MDGA2: variants seen among roughly 807,000 people sequenced by gnomAD.
MDGA2 encodes MAM domain-containing glycosylphosphatidylinositol anchor protein 2.
Under a neutral mutation model 117.8 loss-of-function variants are expected in MDGA2, and 40 were observed. The ratio of observed to expected loss-of-function variants is 0.34; its 90% CI spans 0.26 to 0.44. The LOEUF is 0.44. MDGA2 is among the 20% of genes least tolerant of loss of function. The probability of loss-of-function intolerance (pLI) is 1.00; values close to 1 mark genes in which losing one functional copy is unlikely to be tolerated. For missense variants in MDGA2, 1,123 were observed against 1,250.6 expected, an observed-to-expected ratio of 0.90 and a Z score of 1.54; for synonymous variants, 452 against 439.0, an observed-to-expected ratio of 1.03 and a Z score of -0.37.
intron 1 of MDGA2, among the ~76,000 whole-genome samples, chr14:47,469,019 A>G (rs1469389077): frequency 6.6e-6 from 1 of 152,158 alleles, no homozygotes; most frequent in Admixed American, 6.6e-5. Flanking sequence ...TATGCATGAT[A>G]TACTCCAAAG....
At chr14:47,426,659 A>C (rs189464671) in intron 1 of MDGA2, among the ~76,000 whole-genome samples, 5 of 148,340 alleles carry the variant, frequency 3.4e-5, no homozygotes, top group East Asian at 2.0e-4. Flanking sequence ...GTGATATGTA[A>C]ATATATCACA....
chr14:47,647,243 C>T (rs1316242571), intron 1 of MDGA2, among the ~76,000 whole-genome samples: 3 of 152,084 alleles, frequency 2.0e-5, no homozygotes, highest in Non-Finnish European at 4.4e-5. Context: ...GCTCACCTTA[C>T]AAAATCAACT....
chr14:47,646,377 T>C (rs1474584257), intron 1 of MDGA2, among the ~76,000 whole-genome samples: 3 of 151,952 alleles, frequency 2.0e-5, no homozygotes, highest in Admixed American at 2.0e-4. Context: ...ATAATACATA[T>C]AGATGCATAT....
At chr14:47,255,974 C>T (rs1019590455) in intron 2 of MDGA2, among the ~76,000 whole-genome samples, 7 of 152,144 alleles carry the variant, frequency 4.6e-5, no homozygotes, top group Non-Finnish European at 1.0e-4. Context: ...TTTCCTGCAT[C>T]TTCCCTTCCC....
At chr14:47,650,772 CAA>C (rs1222668856) in intron 1 of MDGA2, among the ~76,000 whole-genome samples, 1 of 151,992 alleles carries the variant, frequency 6.6e-6, no homozygotes, top group Non-Finnish European at 1.5e-5. Context: ...TACAAATGCA[CAA>C]AAAAACAATG....
At chr14:47,104,393 T>C (rs1464232381) in intron 5 of MDGA2, among the ~76,000 whole-genome samples, 1 of 149,804 alleles carries the variant, frequency 6.7e-6, no homozygotes, top group Admixed American at 6.6e-5. Flanking sequence ...GTGAAAGTCC[T>C]TTTCCTGGCT....
intron 9 of MDGA2, among the ~76,000 whole-genome samples, chr14:46,938,974 G>A (rs1423034287): frequency 6.6e-6 from 1 of 152,184 alleles, no homozygotes; most frequent in Non-Finnish European, 1.5e-5. Flanking sequence ...ACATGGATAA[G>A]CCTGGAGGGC....
chr14:47,271,237 CCTT>C (rs1238106230), intron 2 of MDGA2, among the ~76,000 whole-genome samples: 3 of 152,230 alleles, frequency 2.0e-5, no homozygotes, highest in African/African-American at 7.2e-5. Flanking sequence ...CCTTCGAATT[CCTT>C]CTTTTTATTT....
Position 47,448,557 on chromosome 14 carries a change from C to A in MDGA2, c.281-147007G>T, listed in dbSNP as rs560245387. On this transcript the variant is annotated intron_variant, in intron 1 of 16. Coordinates refer to ENST00000399232, the MANE Select transcript of MDGA2 (RefSeq NM_001113498.3). Reference sequence around the variant, plus strand: ...TAATGAGGTTTGGAGAACTTCCAGACAGGTGATGCTTCCATATGTTGAAAG... The same window carrying A: ...TAATGAGGTTTGGAGAACTTCCAGAAAGGTGATGCTTCCATATGTTGAAAG... Among the ~76,000 whole-genome samples, 3 of 152,270 alleles carry A rather than the reference C, an allele frequency of 2.0e-5. No homozygotes were observed. In the East Asian group the frequency reaches 5.8e-4, roughly 29 times the overall value.
chr14:47,114,984 G>T (rs763120235), intron 5 of MDGA2, among the ~76,000 whole-genome samples: 1 of 146,900 alleles, frequency 6.8e-6, no homozygotes, highest in Admixed American at 6.8e-5. Flanking sequence ...CCTATCATCC[G>T]AGCCAACCTA....
Position 46,885,757 on chromosome 14 carries a change from C to T in MDGA2, c.2239-3536G>A, listed in dbSNP as rs1423585817. Among the ~76,000 whole-genome samples the T allele has an allele frequency of 2.6e-5, 4 of 152,220 alleles. No individual in the cohort carries two copies. In the East Asian group the frequency reaches 7.7e-4, roughly 29 times the overall value. Reference sequence around the variant, plus strand: ...ATGACTCATGACTCAGCATAAATCCCAAGCTTTATTTTAGCATTGATCCTC... The same window carrying T: ...ATGACTCATGACTCAGCATAAATCCTAAGCTTTATTTTAGCATTGATCCTC... On this transcript the variant is annotated intron_variant, in intron 10 of 16. Transcript: ENST00000399232.
In MDGA2 at chr14:47,448,437, G is replaced by A. The variant is rs1239941131; in HGVS notation, c.281-146887C>T. 2.6e-5 allele frequency among the ~76,000 whole-genome samples: 4 copies of A among 152,130 alleles called. No homozygotes were observed. The East Asian group carries it at 7.8e-4, about 30-fold the overall frequency. On this transcript the variant is annotated intron_variant, in intron 1 of 16. Coordinates refer to ENST00000399232, the MANE Select transcript of MDGA2 (RefSeq NM_001113498.3). ...TTACAGGCGTGAGATACTGTGCCCAGCCCGAAGTCTACTTTCAATCCCCCC... is the reference window on the plus strand; with the variant it reads ...TTACAGGCGTGAGATACTGTGCCCAACCCGAAGTCTACTTTCAATCCCCCC...
At chr14:47,345,495 A>T (rs1031936685) in intron 1 of MDGA2, among the ~76,000 whole-genome samples, 1 of 152,110 alleles carries the variant, frequency 6.6e-6, no homozygotes, top group Non-Finnish European at 1.5e-5. Context: ...AAATGAACTC[A>T]AAGATGTTTT....
chr14:47,015,721 G>A (rs1222913358), intron 8 of MDGA2, among the ~76,000 whole-genome samples: 1 of 152,102 alleles, frequency 6.6e-6, no homozygotes. Flanking sequence ...GGGTAAGCAA[G>A]ACCCAAGGAG....
At chr14:47,307,777 A>T (rs1172644518) in intron 1 of MDGA2, among the ~76,000 whole-genome samples, 1 of 152,160 alleles carries the variant, frequency 6.6e-6, no homozygotes, top group Non-Finnish European at 1.5e-5. Context: ...GTTCACCAAT[A>T]GTTGACAAGT....
chr14:47,157,215 C>T (rs533781360), intron 3 of MDGA2, among the ~76,000 whole-genome samples: 1 of 152,120 alleles, frequency 6.6e-6, no homozygotes, highest in South Asian at 2.1e-4. Flanking sequence ...CTTATTTGAT[C>T]ATTCATAATA....
At chr14:46,958,152 G>GA (rs1885639079) in intron 8 of MDGA2, among the ~76,000 whole-genome samples, 1 of 152,292 alleles carries the variant, frequency 6.6e-6, no homozygotes, top group South Asian at 2.1e-4. Flanking sequence ...ATGACACTAT[G>GA]AGAGTTGACC....
chr14:47,032,488 G>T (rs1037160560), intron 8 of MDGA2, among the ~76,000 whole-genome samples: 2 of 152,112 alleles, frequency 1.3e-5, no homozygotes, highest in Non-Finnish European at 2.9e-5. Context: ...TCAGGAAGCT[G>T]AGGTGGAAGC....
At chr14:47,334,032 C>T (rs1344861152) in intron 1 of MDGA2, among the ~76,000 whole-genome samples, 2 of 151,566 alleles carry the variant, frequency 1.3e-5, no homozygotes, top group African/African-American at 4.8e-5. Context: ...ATGATAATGA[C>T]AAACTAAAAA....
Sources: allele counts gnomAD v4.1 joint callset (sites outside exome capture counted in the v4.1 genomes callset), GRCh38; gene constraint gnomAD v4.1.1; transcripts MANE v1.5; gene names NCBI Gene and HGNC (gene_info 2026-07-23, HGNC 2026-07-21).